DEPTOR: variants seen among roughly 807,000 people sequenced by gnomAD.
The protein encoded by DEPTOR is DEP domain containing MTOR interacting protein.
Under a neutral mutation model 41.6 loss-of-function variants are expected in DEPTOR, and 41 were observed. That is an observed-to-expected ratio of 0.98 (90% CI 0.77 to 1.28). DEPTOR has a LOEUF of 1.28. DEPTOR is among the 50% of genes most tolerant of loss of function. The pLI is 0.00. For missense variants in DEPTOR, 514 were observed against 527.9 expected (o/e 0.97, Z 0.26); for synonymous variants, 195 against 192.3 (o/e 1.01, Z -0.12).
chr8:119,974,871 G>C (rs934932260), intron 4 of DEPTOR, among the ~76,000 whole-genome samples: 1 of 70,552 alleles, frequency 1.4e-5, no homozygotes, highest in Non-Finnish European at 3.1e-5. Flanking sequence ...TAAAACCAGA[G>C]GGTCAGAAAA....
At chr8:119,979,755 C>A (rs1222830826) in intron 4 of DEPTOR, among the ~76,000 whole-genome samples, 1 of 152,102 alleles carries the variant, frequency 6.6e-6, no homozygotes, top group Non-Finnish European at 1.5e-5. Context: ...GTTGGCAAAG[C>A]CTCCAGGCCA....
chr8:120,030,235 T>C (rs531395907), intron 8 of DEPTOR, among the ~76,000 whole-genome samples: 12 of 152,258 alleles, frequency 7.9e-5, no homozygotes, highest in African/African-American at 2.9e-4. Context: ...CAGACTTTAG[T>C]GTCTCCAATC....
chr8:119,918,851 C>A (rs1042267576), intron 1 of DEPTOR, among the ~76,000 whole-genome samples: 1 of 152,120 alleles, frequency 6.6e-6, no homozygotes, highest in East Asian at 1.9e-4. Flanking sequence ...GCCTCAGACC[C>A]CCAAAATGCT....
intron 8 of DEPTOR, among the ~76,000 whole-genome samples, chr8:120,013,803 T>A (rs1366570769): frequency 6.7e-6 from 1 of 150,278 alleles, no homozygotes; most frequent in Non-Finnish European, 1.5e-5. Flanking sequence ...TTGTGGCCAC[T>A]CCATCCAGTG....
intron 8 of DEPTOR, among the ~76,000 whole-genome samples, chr8:120,030,635 T>A (rs1217020475): frequency 2.7e-5 from 4 of 150,304 alleles, no homozygotes; most frequent in Non-Finnish European, 5.9e-5. Context: ...GACTCCCCAG[T>A]AGCTAGGATT....
intron 4 of DEPTOR, among the ~76,000 whole-genome samples, chr8:119,983,585 T>C (rs1828794299): frequency 6.6e-6 from 1 of 152,170 alleles, no homozygotes; most frequent in African/African-American, 2.4e-5. Context: ...GGTTTCACCA[T>C]GTTGGCCAGG....
At chr8:120,007,741 T>C (rs946416004) in intron 7 of DEPTOR, among the ~76,000 whole-genome samples, 5 of 152,270 alleles carry the variant, frequency 3.3e-5, no homozygotes, top group Admixed American at 1.3e-4. Flanking sequence ...GAGGAGTTAA[T>C]AGGAGAAAGG....
At chr8:120,002,791 A>AAAAAAAAAATAT in intron 5 of DEPTOR, among the ~76,000 whole-genome samples, 186 bp from the exon 6 acceptor site, 5 of 60,672 alleles carry the variant, frequency 8.2e-5, no homozygotes, top group African/African-American at 3.8e-4. Context: ...AAAAAAAAAA[A>AAAAAAAAAATAT]ATATATATAT....
chr8:119,992,444 C>T (rs1013640467), intron 4 of DEPTOR, among the ~76,000 whole-genome samples: 10 of 152,116 alleles, frequency 6.6e-5, no homozygotes, highest in South Asian at 4.2e-4. Context: ...TTTACGTGAC[C>T]GTAAGTCCAA....
chr8:119,960,855 G>A (rs1438313332), intron 3 of DEPTOR, among the ~76,000 whole-genome samples: 1 of 151,916 alleles, frequency 6.6e-6, no homozygotes, highest in African/African-American at 2.4e-5. Flanking sequence ...TTGGTGGCAC[G>A]TGCCTGTAAT....
intron 4 of DEPTOR, among the ~76,000 whole-genome samples, chr8:119,986,657 G>A (rs1265217088): frequency 6.6e-6 from 1 of 151,992 alleles, no homozygotes; most frequent in Non-Finnish European, 1.5e-5. Context: ...GTCACTTTCA[G>A]GTACACCAAT....
intron 3 of DEPTOR, among the ~76,000 whole-genome samples, chr8:119,956,231 C>T (rs1356943547): frequency 6.6e-6 from 1 of 152,180 alleles, no homozygotes; most frequent in Non-Finnish European, 1.5e-5. Context: ...AACATTGCGA[C>T]TACATATTAA....
At chr8:119,961,586 T>C (rs906419717) in intron 3 of DEPTOR, among the ~76,000 whole-genome samples, 1 of 152,146 alleles carries the variant, frequency 6.6e-6, no homozygotes, top group Non-Finnish European at 1.5e-5. Context: ...GGTACAGGGC[T>C]TAATTACCTC....
At chr8:119,889,557 AAGAGG>A (rs147034483) in intron 1 of DEPTOR, among the ~76,000 whole-genome samples, 1 of 95,824 alleles carries the variant, frequency 1.0e-5, no homozygotes, top group African/African-American at 3.5e-5. Context: ...AGAAAGGAAA[AAGAGG>A]AGAGGAGAGG....
chr8:119,949,496 T>G (rs1380246995), intron 3 of DEPTOR, among the ~76,000 whole-genome samples: 1 of 152,230 alleles, frequency 6.6e-6, no homozygotes, highest in Non-Finnish European at 1.5e-5. Context: ...ACCAACAGTG[T>G]ATGAGGCTTC....
chr8:119,996,291 C>T (rs1469910319), intron 4 of DEPTOR, among the ~76,000 whole-genome samples: 1 of 152,162 alleles, frequency 6.6e-6, no homozygotes, highest in Non-Finnish European at 1.5e-5. Context: ...CAAATGTCAG[C>T]ATATCATCAA....
intron 8 of DEPTOR, among the ~76,000 whole-genome samples, chr8:120,012,173 A>G (rs78113747): frequency 0.027 from 4,091 of 152,314 alleles, 182 homozygotes; most frequent in African/African-American, 0.091. Flanking sequence ...TATAGCCCTA[A>G]AACCCTTCTA....
At chr8:119,966,316 A>G (rs1226748970) in intron 4 of DEPTOR, among the ~76,000 whole-genome samples, 1 of 152,138 alleles carries the variant, frequency 6.6e-6, no homozygotes, top group Non-Finnish European at 1.5e-5. Context: ...AAATACAAAA[A>G]TTAGCTGGGT....
chr8:120,008,031 G>A (rs1812471137), intron 7 of DEPTOR, among the ~76,000 whole-genome samples: 1 of 152,140 alleles, frequency 6.6e-6, no homozygotes, highest in Non-Finnish European at 1.5e-5. Flanking sequence ...GTTTTGGTTG[G>A]GATATGTGTG....
Sources: allele counts gnomAD v4.1 joint callset (sites outside exome capture counted in the v4.1 genomes callset), GRCh38; gene constraint gnomAD v4.1.1; transcripts MANE v1.5; gene names NCBI Gene and HGNC (gene_info 2026-07-23, HGNC 2026-07-21).